Variants in ELN observed in about 807,000 individuals in gnomAD.
The protein encoded by ELN is tropoelastin.
In ELN, 65 loss-of-function variants were observed where a neutral mutation model predicts 105.8. The ratio of observed to expected loss-of-function variants is 0.61; its 90% CI spans 0.50 to 0.75. The LOEUF (loss-of-function observed/expected upper bound fraction) is 0.75. ELN is among the 30% of genes least tolerant of loss of function. The pLI is 0.00. For synonymous variants in ELN, 368 were observed against 389.2 expected, an observed-to-expected ratio of 0.95 and a Z score of 0.64; for missense variants, 882 against 969.4, an observed-to-expected ratio of 0.91 and a Z score of 1.20.
chr7:74,062,298 C>T (rs1285720685), intron 26 of ELN: 2 of 152,350 alleles, frequency 1.3e-5, no homozygotes, highest in African/African-American at 4.8e-5. Context: ...AGGCCTGAGT[C>T]AACAGACATT....
At position 74,068,746 on chromosome 7, in the gene ELN, C is replaced by A. The variant is rs781924310; in HGVS notation, c.*46C>A. The A allele has an allele frequency of 6.2e-7, 1 of 1,608,124 alleles. No homozygotes were observed. Among genetic ancestry groups the A allele is most frequent in the African/African-American group, 1.3e-5 (1 of 74,778 alleles). On this transcript the variant is annotated 3_prime_UTR_variant, in exon 33 of 33. Transcript: ENST00000252034. The stretch of plus-strand genomic sequence containing the variant: ...CACGACCTCATCAACGTTGGTGCTA[C>A]TGCTTGGTGGAGAATGTAAACCCTT...
Position 74,036,665 on chromosome 7 carries a change from C to T in ELN, c.163+81C>T, listed in dbSNP as rs1554665971. On this transcript the variant is annotated intron_variant, in intron 3 of 32. Coordinates refer to ENST00000252034, the MANE Select transcript of ELN (RefSeq NM_000501.4). ...CCACATGCATCCTCAGACCTGAGAA[C>T]CCTGGGAGACCCGAGCATCAAGGAC... 3 of 1,591,466 alleles carry T rather than the reference C, an allele frequency of 1.9e-6. No individual in the cohort carries two copies. The African/African-American group carries it at 4.0e-5, about 21-fold the overall frequency.
chr7:74,042,547 G>A, intron 5 of ELN, 67 bp from the exon 6 acceptor site: 10 of 1,468,136 alleles, frequency 6.8e-6, no homozygotes, highest in Admixed American at 3.4e-5. Flanking sequence ...CAGCCAGGCA[G>A]GGCCAGAGCG....
chr7:74,058,820 C>G (rs1795955837), intron 22 of ELN, among the ~76,000 whole-genome samples: 1 of 152,314 alleles, frequency 6.6e-6, no homozygotes, highest in South Asian at 2.1e-4. Context: ...GCCCTAGGGA[C>G]CTGTGGGCTG....
In ELN at chr7:74,065,972, G is replaced by C. The variant is rs1554688906; in HGVS notation, c.2061G>C (p.Gly687=). The change falls in exon 31 of 33, where the codon GGG becomes GGC. Residue 687 remains glycine, a synonymous_variant. Coordinates refer to ENST00000252034, the MANE Select transcript of ELN (RefSeq NM_000501.4). ...CTGCTGGCCTTGGAGGTGTCCTAGGGGGTGCCGGGCAGTTCCCACTTGGAG... is the reference window on the plus strand; with the variant it reads ...CTGCTGGCCTTGGAGGTGTCCTAGGCGGTGCCGGGCAGTTCCCACTTGGAG... ...YGAAGLGGVL[G]GAGQFPLGGV... is the part of the protein sequence containing the mutation. 6.2e-7 allele frequency: 1 copy of C among 1,614,110 alleles called. No homozygotes were observed. The highest frequency in any genetic ancestry group is 8.5e-7 in the Non-Finnish European group (1 of 1,180,006).
At chr7:74,048,461 A>G in intron 14 of ELN, 42 bp from the exon 15 acceptor site, 1 of 1,613,750 alleles carries the variant, frequency 6.2e-7, no homozygotes, top group South Asian at 1.1e-5. Flanking sequence ...GAGATACAGG[A>G]GCACTGTTTC....
At position 74,053,161 on chromosome 7, in the gene ELN, A is replaced by G; in HGVS notation, c.950-2A>G. On this transcript the variant is annotated splice_acceptor_variant, in intron 17 of 32. Transcript: ENST00000252034. LOFTEE classifies it high-confidence loss of function. ...AGGGGAACAATGCTTTTTCTTCCAC[A>G]GGAGCTGCTGCAGGCTTAGTGCCTG... is the stretch of plus-strand genomic sequence containing the variant. 1 of 1,614,170 alleles carries G rather than the reference A, an allele frequency of 6.2e-7. No homozygotes were observed. Among genetic ancestry groups the G allele is most frequent in the Non-Finnish European group, 8.5e-7 (1 of 1,180,018 alleles).
chr7:74,035,630 G>A, intron 2 of ELN: 1 of 648,828 alleles, frequency 1.5e-6, no homozygotes, highest in East Asian at 2.9e-5. Context: ...AACACTCTGG[G>A]AGGCAGAGAA....
Position 74,051,942 on chromosome 7 carries a change from C to T in ELN, c.908C>T (p.Ala303Val). ...TTTTCAGGCGTTGGGACTCCAGCTG[C>T]AGCTGCAGCTGCAGCAGCAGCCGCT... Reference protein sequence around the residue: ...GGIAGVGTPAAAAAAAAAAKA... With the variant: ...GGIAGVGTPAVAAAAAAAAKA... Residue 303 changes from alanine (A) to valine (V), a missense_variant, in exon 17 of 33, where the codon GCA (alanine) becomes GTA (valine). Transcript: ENST00000252034. 1 of 1,612,750 alleles carries T rather than the reference C, an allele frequency of 6.2e-7. No homozygotes were observed. The highest frequency in any genetic ancestry group is 8.5e-7 in the Non-Finnish European group (1 of 1,179,882).
chr7:74,060,721 T>A, intron 25 of ELN: 1 of 1,264,014 alleles, frequency 7.9e-7, no homozygotes, highest in Non-Finnish European at 1.1e-6. Context: ...GCCTCCTCAG[T>A]AGAGGGGTGG....
At chr7:74,030,512 A>G (rs531276085) in intron 1 of ELN, among the ~76,000 whole-genome samples, 10 of 150,184 alleles carry the variant, frequency 6.7e-5, no homozygotes, top group Non-Finnish European at 1.3e-4. Context: ...ATGGTTTGGA[A>G]CAGAGGTTTC....
At chr7:74,053,778 G>T (rs2131955935) in intron 18 of ELN, among the ~76,000 whole-genome samples, 1 of 151,398 alleles carries the variant, frequency 6.6e-6, no homozygotes, top group South Asian at 2.1e-4. Flanking sequence ...ATGGATGGAT[G>T]AATAAGTGGA....
At chr7:74,035,340 C>G in intron 1 of ELN, 24 bp from the exon 2 acceptor site, 1 of 1,613,792 alleles carries the variant, frequency 6.2e-7, no homozygotes. Context: ...TCCTGGAGGA[C>G]TGACTCTACC....
chr7:74,057,449 G>T, intron 21 of ELN, 191 bp from the exon 22 acceptor site: 1 of 1,540,064 alleles, frequency 6.5e-7, no homozygotes, highest in Non-Finnish European at 8.7e-7. Flanking sequence ...CAGGTGTGCC[G>T]GGCACGGGAG....
intron 17 of ELN, chr7:74,052,861 GA>G: frequency 2.4e-6 from 1 of 408,746 alleles, no homozygotes; most frequent in Non-Finnish European, 4.5e-6. Context: ...GAGGGAGAGA[GA>G]AAGAAAGAAA....
intron 25 of ELN, among the ~76,000 whole-genome samples, 193 bp from the exon 26 acceptor site, chr7:74,060,908 G>A (rs2132349323): frequency 6.6e-6 from 1 of 152,312 alleles, no homozygotes; most frequent in East Asian, 1.9e-4. Flanking sequence ...TGCTAGGCCT[G>A]GGGAGAGAAG....
chr7:74,063,321 G>C lies in ELN; in HGVS notation c.1870G>C (p.Ala624Pro). 1.3e-6 allele frequency: 2 copies of C among 1,549,880 alleles called. No homozygotes were observed. Among genetic ancestry groups the C allele is most frequent in the Non-Finnish European group, 1.7e-6 (2 of 1,148,180 alleles). The change falls in exon 28 of 33, where the codon GCC becomes CCC. Residue 624 changes from alanine (A) to proline (P), a missense_variant. Transcript: ENST00000252034. This position sits in a 1 kb window ranked among gnomAD's most constrained non-coding sequence, Gnocchi z 4.1. ...IPGGVVGAGP[A>P]AAAAAAKAAA... ...GTCTGTGTTCCCAGGAGCCGGACCC[G>C]CCGCCGCCGCTGCCGCAGCCAAAGC...
chr7:74,059,776 G>A (rs1247617240), intron 22 of ELN, 110 bp from the exon 23 acceptor site: 3 of 783,388 alleles, frequency 3.8e-6, no homozygotes, highest in African/African-American at 1.7e-5. Context: ...AACTGATCCA[G>A]GGTCACACAG....
rs782642175 is a variant in ELN at position 74,068,673 on chromosome 7, G to A, written c.2148G>A (p.Gly716=). 1.5e-5 allele frequency: 24 copies of A among 1,613,944 alleles called. No individual in the cohort carries two copies. Among genetic ancestry groups the A allele is most frequent in the Non-Finnish European group, 1.9e-5 (22 of 1,179,966 alleles). The stretch of plus-strand genomic sequence containing the variant: ...CCCGTCCAGGTGGGGCCTGCCTGGG[G>A]AAAGCTTGTGGCCGGAAGAGAAAAT... The part of the protein sequence containing the change: ...SPIFPGGACL[G]KACGRKRK The change falls in exon 33 of 33, where the codon GGG becomes GGA. Residue 716 remains glycine (G), a synonymous_variant. Transcript: ENST00000252034.
Sources: allele counts gnomAD v4.1 joint callset (sites outside exome capture counted in the v4.1 genomes callset), GRCh38; gene constraint gnomAD v4.1.1; non-coding constraint Gnocchi (gnomAD v3.1); transcripts MANE v1.5; gene names NCBI Gene and HGNC (gene_info 2026-07-23, HGNC 2026-07-21).